ADGRE1: variants seen among roughly 807,000 people sequenced by gnomAD.
ADGRE1 encodes the protein adhesion G protein-coupled receptor E1.
Under a neutral mutation model 102.7 loss-of-function variants are expected in ADGRE1, and 82 were observed. The observed-to-expected ratio is 0.80, with a 90% CI of 0.67 to 0.96. ADGRE1 has a LOEUF of 0.96. Ranked by LOEUF, ADGRE1 falls within the 40% of genes least tolerant of loss-of-function variation. The pLI, the probability that ADGRE1 is intolerant of heterozygous loss-of-function variation, is 0.00. For missense variants in ADGRE1, 1,032 were observed against 1,085.3 expected (o/e 0.95, Z 0.69); for synonymous variants, 398 against 399.6 (o/e 1.00, Z 0.05).
intron 2 of ADGRE1, 103 bp from the exon 3 acceptor site, chr19:6,896,295 A>G: frequency 1.7e-6 from 2 of 1,191,638 alleles, no homozygotes; most frequent in Non-Finnish European, 1.2e-6. Context: ...GAGGAACACA[A>G]TCCAACCCAT....
intron 10 of ADGRE1, among the ~76,000 whole-genome samples, chr19:6,911,172 C>G (rs925521259): frequency 6.6e-6 from 1 of 152,082 alleles, no homozygotes; most frequent in African/African-American, 2.4e-5. Context: ...GATTACAGAG[C>G]TCAGGGCTTC....
At chr19:6,890,360 C>T (rs113578234) in intron 1 of ADGRE1, 121 bp from the exon 2 acceptor site, 29 of 871,216 alleles carry the variant, frequency 3.3e-5, no homozygotes, top group African/African-American at 2.2e-4. Context: ...GTCATCTAGC[C>T]TCTTCAAACC....
Position 6,937,320 on chromosome 19 carries a change from C to T in ADGRE1, c.2459C>T (p.Pro820Leu). The change falls in exon 19 of 21, where the codon CCT becomes CTT. Residue 820 changes from proline to leucine, a missense_variant. By Grantham distance (98) the Pro-to-Leu change is moderately conservative. Transcript: ENST00000312053. ...GTGCTGGGCATTTTTCAGATTGGAC[C>T]TGTGGCAGGTGTCATGGCTTACCTG... is the stretch of plus-strand genomic sequence containing the variant. ...SWVLGIFQIG[P>L]VAGVMAYLFT... 3 of 1,614,104 alleles carry T rather than the reference C, an allele frequency of 1.9e-6. No individual in the cohort carries two copies. The highest frequency in any genetic ancestry group is 2.5e-6 in the Non-Finnish European group (3 of 1,180,022).
chr19:6,923,061 A>T (rs995889654), intron 14 of ADGRE1, among the ~76,000 whole-genome samples: 1 of 151,098 alleles, frequency 6.6e-6, no homozygotes, highest in African/African-American at 2.4e-5. Flanking sequence ...TGGGTGACAG[A>T]ACCAGACTCC....
At chr19:6,926,300 T>G in intron 15 of ADGRE1, 66 bp from the exon 16 acceptor site, 1 of 1,559,194 alleles carries the variant, frequency 6.4e-7, no homozygotes, top group Non-Finnish European at 8.8e-7. Flanking sequence ...AGTCTCTCTC[T>G]TCCTTTCTTC....
At chr19:6,898,800 G>A (rs1973664705) in intron 5 of ADGRE1, 1 of 467,002 alleles carries the variant, frequency 2.1e-6, no homozygotes, top group Non-Finnish European at 3.8e-6. Context: ...GGGGCTCAGA[G>A]AGGTAAAAAT....
rs879114525 is a variant in ADGRE1, at chr19:6,916,348, T to C, written c.1400T>C (p.Ile467Thr). The C allele has an allele frequency of 4.3e-6, 7 of 1,613,704 alleles. No individual in the cohort carries two copies. Among genetic ancestry groups the C allele is most frequent in the South Asian group, 3.3e-5 (3 of 91,030 alleles). ...GDKMKIGCST[I>T]EESESTETTG... ...AAGATGAAGATCGGGTGTTCCACAA[T>C]TGAGGAATCTGAATCCACAGGTACA... The change falls in exon 12 of 21, where the codon ATT becomes ACT. Residue 467 changes from isoleucine to threonine, a missense_variant. By Grantham distance (89) the Ile-to-Thr change is moderately conservative (BLOSUM62 -1). Transcript: ENST00000312053.
intron 6 of ADGRE1, among the ~76,000 whole-genome samples, chr19:6,903,453 G>A (rs1186099466): frequency 6.6e-6 from 1 of 152,204 alleles, no homozygotes; most frequent in East Asian, 1.9e-4. Context: ...CCTGGCTGGT[G>A]GGCAGCTTTT....
intron 1 of ADGRE1, 39 bp downstream of exon 1, chr19:6,887,678 G>T (rs1247827861): frequency 1.3e-6 from 2 of 1,598,910 alleles, no homozygotes; most frequent in Non-Finnish European, 1.7e-6. Context: ...GGGAGGCCTG[G>T]ATTGGAAATA....
chr19:6,896,727 A>C (rs1973567299), intron 3 of ADGRE1, 186 bp downstream of exon 3: 1 of 640,342 alleles, frequency 1.6e-6, no homozygotes, highest in Non-Finnish European at 2.6e-6. Context: ...GGGTGTTGTT[A>C]CTGTCACAGC....
chr19:6,910,611 G>A (rs1943953247), intron 10 of ADGRE1, among the ~76,000 whole-genome samples: 1 of 108,442 alleles, frequency 9.2e-6, no homozygotes, highest in Non-Finnish European at 1.7e-5. Context: ...TTGCTCTGTT[G>A]CCCAGGCTGC....
chr19:6,894,351 G>A (rs1973477550), intron 2 of ADGRE1, among the ~76,000 whole-genome samples: 1 of 152,094 alleles, frequency 6.6e-6, no homozygotes, highest in Admixed American at 6.6e-5. Context: ...GGCCATGAAG[G>A]AGCAACTCAC....
rs756772485 is a variant in ADGRE1 at position 6,931,918 on chromosome 19, C to T, written c.2290-3069C>T. On this transcript the variant is annotated intron_variant, in intron 17 of 20. Transcript: ENST00000312053. ...TCTATTTCCAAATAAGGTCTTGGGG[C>T]GCCTGGCCCCAACAGACAGCCTCTT... 5.3e-5 allele frequency among the ~76,000 whole-genome samples: 8 copies of T among 151,498 alleles called. No individual in the cohort carries two copies. In the East Asian group the frequency reaches 5.8e-4, roughly 11 times the overall value.
chr19:6,891,544 T>C (rs1202524899), intron 2 of ADGRE1, among the ~76,000 whole-genome samples: 2 of 151,704 alleles, frequency 1.3e-5, no homozygotes, highest in African/African-American at 2.4e-5. Context: ...AGCTCCGCCT[T>C]CCAGGTTCAC....
Position 6,904,055 on chromosome 19 carries a change from A to G in ADGRE1, c.822A>G (p.Gln274=). Residue 274 remains glutamine (Q), a synonymous_variant, in exon 8 of 21, where the codon CAA becomes CAG. Transcript: ENST00000312053. ...TTGCAGATATTGATGAGTGCCGCCA[A>G]GATCCATCAACCTGTGGTCCTAATT... ...VECRDIDECR[Q]DPSTCGPNSI... is the part of the protein sequence containing the mutation. 1 of 1,614,220 alleles carries G rather than the reference A, an allele frequency of 6.2e-7. No homozygotes were observed. The highest frequency in any genetic ancestry group is 1.1e-5 in the South Asian group (1 of 91,086).
chr19:6,937,881 A>C (rs961458125), intron 20 of ADGRE1, among the ~76,000 whole-genome samples: 1 of 152,074 alleles, frequency 6.6e-6, no homozygotes. Flanking sequence ...AGACATATAT[A>C]ATTTATAACA....
chr19:6,906,297 T>C, intron 8 of ADGRE1, 136 bp from the exon 9 acceptor site: 1 of 686,050 alleles, frequency 1.5e-6, no homozygotes, highest in East Asian at 2.6e-5. Context: ...TTGTGGTTTG[T>C]TCATTTTCCC....
At chr19:6,911,652 T>C (rs1210262666) in intron 10 of ADGRE1, among the ~76,000 whole-genome samples, 1 of 150,396 alleles carries the variant, frequency 6.6e-6, no homozygotes, top group Admixed American at 6.6e-5. Flanking sequence ...TATACACACA[T>C]GCGCACACAC....
Position 6,897,418 on chromosome 19 carries a change from T to G in ADGRE1, c.395-10T>G, listed in dbSNP as rs1462536023. 3.1e-6 allele frequency: 5 copies of G among 1,593,100 alleles called. No individual in the cohort carries two copies. The highest frequency in any genetic ancestry group is 4.5e-5 in the East Asian group (2 of 44,654). On this transcript the variant is annotated splice_polypyrimidine_tract_variant and intron_variant, in intron 4 of 20. Transcript: ENST00000312053. The stretch of plus-strand genomic sequence containing the variant: ...TTCTTATCTGCTCACCCTCTTCCAC[T>G]GCTTCTCAGATATCAATGAGTGCCT...
Sources: allele counts gnomAD v4.1 joint callset (sites outside exome capture counted in the v4.1 genomes callset), GRCh38; gene constraint gnomAD v4.1.1; transcripts MANE v1.5; gene names NCBI Gene and HGNC (gene_info 2026-07-23, HGNC 2026-07-21).